The following NFIA variants were observed in gnomAD, a reference collection of about 807,000 sequenced individuals.
The protein encoded by NFIA is nuclear factor 1 A-type.
Under a neutral mutation model 62.8 loss-of-function variants are expected in NFIA, and 8 were observed. That is an observed-to-expected ratio of 0.13 (90% CI 0.07 to 0.23). The LOEUF (loss-of-function observed/expected upper bound fraction) is 0.23. NFIA is among the 10% of genes least tolerant of loss of function. The probability of loss-of-function intolerance (pLI) is 1.00; values close to 1 mark genes in which losing one functional copy is unlikely to be tolerated. For synonymous variants in NFIA, 235 were observed against 238.1 expected (o/e 0.99, Z 0.12); for missense variants, 410 against 642.1 (o/e 0.64, Z 3.91).
chr1:61,294,087 G>T (rs1460122111), intron 3 of NFIA, among the ~76,000 whole-genome samples: 3 of 152,164 alleles, frequency 2.0e-5, no homozygotes, highest in African/African-American at 7.2e-5. Context: ...TGACCACTTG[G>T]TCACTTTGAC....
At chr1:61,172,635 G>T (rs976648372) in intron 2 of NFIA, among the ~76,000 whole-genome samples, 1 of 152,184 alleles carries the variant, frequency 6.6e-6, no homozygotes, top group Non-Finnish European at 1.5e-5. Context: ...GACTAGGGAA[G>T]GTCAGCTCTT....
chr1:61,415,855 A>T (rs1187425809), intron 9 of NFIA, among the ~76,000 whole-genome samples: 1 of 152,170 alleles, frequency 6.6e-6, no homozygotes, highest in South Asian at 2.1e-4. Flanking sequence ...ATACATGGCT[A>T]GGGCATATGA....
chr1:61,281,068 C>T (rs1267369860), intron 3 of NFIA, among the ~76,000 whole-genome samples: 1 of 151,704 alleles, frequency 6.6e-6, no homozygotes, highest in Admixed American at 6.6e-5. Context: ...ACATGGTGCC[C>T]GTCTCTACTA....
At chr1:61,343,750 G>T (rs866914595) in intron 4 of NFIA, among the ~76,000 whole-genome samples, 1 of 152,286 alleles carries the variant, frequency 6.6e-6, no homozygotes, top group East Asian at 1.9e-4. Flanking sequence ...CTTGGCAAAG[G>T]AGTTGCTGAA....
At chr1:61,358,998 C>T in intron 5 of NFIA, 149 bp from the exon 6 acceptor site, 1 of 1,097,890 alleles carries the variant, frequency 9.1e-7, no homozygotes, top group Admixed American at 2.3e-5. Context: ...AGTGACTCAC[C>T]AGACTGAACA....
intron 7 of NFIA, among the ~76,000 whole-genome samples, chr1:61,394,191 C>T (rs1178569612): frequency 6.6e-6 from 1 of 152,044 alleles, no homozygotes; most frequent in Non-Finnish European, 1.5e-5. Context: ...CTGCCCCACC[C>T]AAGACAGAGT....
At chr1:61,327,938 T>G (rs1242122558) in intron 3 of NFIA, among the ~76,000 whole-genome samples, 2 of 152,150 alleles carry the variant, frequency 1.3e-5, no homozygotes, top group Non-Finnish European at 2.9e-5. Context: ...TTTTTTACTT[T>G]TTATTAATGG....
At chr1:61,373,139 G>C (rs982138061) in intron 6 of NFIA, among the ~76,000 whole-genome samples, 1 of 152,066 alleles carries the variant, frequency 6.6e-6, no homozygotes, top group Admixed American at 6.6e-5. Flanking sequence ...TGATTCAAAG[G>C]CCTTCGAAGG....
intron 1 of NFIA, among the ~76,000 whole-genome samples, chr1:61,087,921 A>G (rs549692770): frequency 6.6e-6 from 1 of 152,224 alleles, no homozygotes; most frequent in South Asian, 2.1e-4. Context: ...ACAGTTTTTT[A>G]ATTTTCAGCA....
intron 4 of NFIA, among the ~76,000 whole-genome samples, chr1:61,341,312 A>G (rs9436206): frequency 0.094 from 14,368 of 152,052 alleles, 778 homozygotes; most frequent in Non-Finnish European, 0.13. Flanking sequence ...CCACCTCCCG[A>G]AGTGCTGGGA....
At chr1:61,155,964 C>G (rs1268145255) in intron 2 of NFIA, among the ~76,000 whole-genome samples, 1 of 152,078 alleles carries the variant, frequency 6.6e-6, no homozygotes, top group African/African-American at 2.4e-5. Context: ...ATGGTGAAAT[C>G]CCGTCACTAC....
At chr1:61,331,251 A>T (rs901149764) in intron 3 of NFIA, among the ~76,000 whole-genome samples, 42 of 152,292 alleles carry the variant, frequency 2.8e-4, no homozygotes, top group African/African-American at 8.2e-4. Context: ...ACTGAAATTT[A>T]AAAAAATCTC....
At chr1:61,351,819 A>G (rs115142302) in intron 4 of NFIA, among the ~76,000 whole-genome samples, 102 of 152,332 alleles carry the variant, frequency 6.7e-4, no homozygotes, top group Non-Finnish European at 7.4e-4. Context: ...CTGATGGTGT[A>G]ATGTGGCAGC....
intron 2 of NFIA, among the ~76,000 whole-genome samples, chr1:61,186,067 T>A (rs1360862563): frequency 3.3e-5 from 5 of 152,206 alleles, no homozygotes; most frequent in Admixed American, 1.3e-4. Flanking sequence ...TTCATTTACC[T>A]TAAATTTTAC....
intron 2 of NFIA, among the ~76,000 whole-genome samples, chr1:61,198,062 A>C (rs1354840506): frequency 6.6e-6 from 1 of 152,240 alleles, no homozygotes; most frequent in African/African-American, 2.4e-5. Flanking sequence ...CTTCAAGTAG[A>C]GTAAACAGGC....
chr1:61,089,241 C>T (rs565618685), intron 2 of NFIA, among the ~76,000 whole-genome samples: 4 of 152,168 alleles, frequency 2.6e-5, no homozygotes, highest in Admixed American at 2.6e-4. Context: ...TCTCAGATAG[C>T]TAAGGGAAAC....
At chr1:61,406,888 A>C (rs1046397144) in intron 9 of NFIA, among the ~76,000 whole-genome samples, 161 bp downstream of exon 9, 3 of 151,942 alleles carry the variant, frequency 2.0e-5, no homozygotes, top group African/African-American at 7.3e-5. Flanking sequence ...AGTGAACATG[A>C]CTCTTGGGTA....
At chr1:61,251,101 G>A (rs1229614626) in intron 2 of NFIA, 2 of 152,104 alleles carry the variant, frequency 1.3e-5, no homozygotes, top group Non-Finnish European at 2.9e-5. Flanking sequence ...ATCACTCTCT[G>A]CTTCAAAGGC....
chr1:61,449,881 AACCAGTGTAAATC>A (rs1197160408), intron 10 of NFIA, among the ~76,000 whole-genome samples: 2 of 152,206 alleles, frequency 1.3e-5, no homozygotes, highest in African/African-American at 4.8e-5. Flanking sequence ...TTTCAGAAGA[AACCAGTGTAAATC>A]ACTGCTGCCT....
Sources: gnomAD v4.1 joint callset for allele counts (sites outside exome capture counted in the v4.1 genomes callset) on GRCh38, gnomAD v4.1.1 for gene constraint, MANE v1.5 for transcripts, NCBI Gene and HGNC (gene_info 2026-07-23, HGNC 2026-07-21) for gene names.